LHFPL2: variants seen among roughly 807,000 people sequenced by gnomAD.
The protein encoded by LHFPL2 is LHFPL tetraspan subfamily member 2.
LHFPL2 carries 7 observed loss-of-function variants against 17.5 expected under a neutral mutation model. The observed-to-expected ratio is 0.40, with a 90% CI of 0.23 to 0.75. LHFPL2 has a LOEUF of 0.75. Among genes scored for constraint, LHFPL2 ranks in the 30% least tolerant of loss-of-function variants. LHFPL2 has a pLI of 0.37. For synonymous variants in LHFPL2, 134 were observed against 116.2 expected (o/e 1.15, Z -0.99); for missense variants, 241 against 294.8 (o/e 0.82, Z 1.34).
chr5:78,519,391 T>A (rs1755382643), intron 3 of LHFPL2, among the ~76,000 whole-genome samples: 1 of 152,138 alleles, frequency 6.6e-6, no homozygotes, highest in African/African-American at 2.4e-5. Flanking sequence ...TGGGTTCCAG[T>A]ATAACATGGC....
At chr5:78,512,606 C>G (rs10942860) in intron 3 of LHFPL2, among the ~76,000 whole-genome samples, 135,354 of 151,656 alleles carry the variant, frequency 0.89, 60,598 homozygotes, top group African/African-American at 0.95. Context: ...GCCCTGAGAG[C>G]CTGCACGTAC....
chr5:78,487,812 A>T lies in LHFPL2; in HGVS notation c.*1085T>A, dbSNP rs1359368483. On this transcript the variant is annotated 3_prime_UTR_variant, in exon 5 of 5. Transcript: ENST00000380345. ...TCTTCAGTTGCAGCAATTTAATGTT[A>T]TCTCAGTCTGCTTTCAGGATCAACA... is the stretch of plus-strand genomic sequence containing the variant. The T allele has an allele frequency of 1.3e-5, 2 of 152,152 alleles. No homozygotes were observed. The highest frequency in any genetic ancestry group is 2.9e-5 in the Non-Finnish European group (2 of 68,028). The allele number at this position is 152,152 out of a possible 1,614,324, so 9.4% of individuals were successfully genotyped here.
At chr5:78,641,904 T>TACACACAC (rs1437378031) in intron 1 of LHFPL2, 2 of 31,480 alleles carry the variant, frequency 6.4e-5, no homozygotes, top group East Asian at 2.0e-3. Context: ...AAATGTACAG[T>TACACACAC]ATACACACAC....
chr5:78,617,231 T>C lies in LHFPL2; in HGVS notation c.-245+15033A>G, dbSNP rs1395853376. Among the ~76,000 whole-genome samples, 4 of 152,196 alleles carry C rather than the reference T, an allele frequency of 2.6e-5. No homozygotes were observed. The East Asian group carries it at 5.8e-4, about 22-fold the overall frequency. ...TTTTAGTAGAGACGGGGTTTCATCA[T>C]GTTGGCCAGGCTGGTCTCAAACTCC... On this transcript the variant is annotated intron_variant, in intron 2 of 4. Transcript: ENST00000380345.
intron 4 of LHFPL2, among the ~76,000 whole-genome samples, chr5:78,495,400 G>A (rs1754574581): frequency 6.6e-6 from 1 of 152,106 alleles, no homozygotes; most frequent in Non-Finnish European, 1.5e-5. Flanking sequence ...ACAGAAAAAG[G>A]CCTTTGTTCC....
intron 3 of LHFPL2, among the ~76,000 whole-genome samples, chr5:78,558,646 T>C (rs1337944932): frequency 2.0e-5 from 3 of 152,194 alleles, no homozygotes; most frequent in African/African-American, 7.2e-5. Flanking sequence ...GCTTATACAT[T>C]TATTACGGGA....
At chr5:78,617,246 T>C (rs1240417943) in intron 2 of LHFPL2, among the ~76,000 whole-genome samples, 1 of 152,040 alleles carries the variant, frequency 6.6e-6, no homozygotes, top group Non-Finnish European at 1.5e-5. Context: ...GCCAGGCTGG[T>C]CTCAAACTCC....
chr5:78,637,652 C>T (rs781047853), intron 1 of LHFPL2, among the ~76,000 whole-genome samples: 6 of 152,240 alleles, frequency 3.9e-5, no homozygotes, highest in Non-Finnish European at 5.9e-5. Flanking sequence ...TCTCAGCCGC[C>T]AGATGCCTAT....
At chr5:78,635,228 G>C (rs772801559) in intron 1 of LHFPL2, among the ~76,000 whole-genome samples, 1 of 152,248 alleles carries the variant, frequency 6.6e-6, no homozygotes, top group South Asian at 2.1e-4. Context: ...TTGCCAGCCA[G>C]AGGCTGAGAA....
Position 78,487,775 on chromosome 5 carries a change from C to G in LHFPL2, c.*1122G>C, listed in dbSNP as rs1754296991. 1 of 152,234 alleles carries G rather than the reference C, an allele frequency of 6.6e-6. No homozygotes were observed. The highest frequency in any genetic ancestry group is 2.1e-4 in the South Asian group (1 of 4,830). 9.4% of individuals were successfully genotyped at this position (152,234 alleles called of 1,614,324 possible). On this transcript the variant is annotated 3_prime_UTR_variant, in exon 5 of 5. Coordinates refer to ENST00000380345, the MANE Select transcript of LHFPL2 (RefSeq NM_005779.3). The stretch of plus-strand genomic sequence containing the variant: ...CTCTGTGCTTTCCTGGAATTAAGGT[C>G]TTGGCTGCAGTTCTTCAGTTGCAGC...
intron 1 of LHFPL2, among the ~76,000 whole-genome samples, chr5:78,640,751 G>A (rs2112527317): frequency 6.6e-6 from 1 of 152,310 alleles, no homozygotes; most frequent in South Asian, 2.1e-4. Flanking sequence ...AGGCAAGGAT[G>A]AGGTGAGGTG....
rs572315092 is a variant in LHFPL2, at chr5:78,637,620, T to C, written c.-349-5252A>G. 1.1e-4 allele frequency among the ~76,000 whole-genome samples: 16 copies of C among 152,326 alleles called. No individual in the cohort carries two copies. In the South Asian group the frequency reaches 3.1e-3, roughly 30 times the overall value. ...TCAGACCTCACAGGCCCTCCTGGCATGCACGGTTCAGCCCTGACATTTCTC... is the reference window on the plus strand; with the variant it reads ...TCAGACCTCACAGGCCCTCCTGGCACGCACGGTTCAGCCCTGACATTTCTC... On this transcript the variant is annotated intron_variant, in intron 1 of 4. Coordinates refer to ENST00000380345, the MANE Select transcript of LHFPL2 (RefSeq NM_005779.3).
intron 2 of LHFPL2, among the ~76,000 whole-genome samples, chr5:78,622,076 TA>T (rs1744874994): frequency 1.3e-5 from 2 of 152,252 alleles, no homozygotes; most frequent in South Asian, 4.2e-4. Context: ...CCCTTGATTC[TA>T]AAAGCATAGG....
chr5:78,560,742 T>G (rs1210668437), intron 3 of LHFPL2, among the ~76,000 whole-genome samples: 1 of 152,150 alleles, frequency 6.6e-6, no homozygotes, highest in Non-Finnish European at 1.5e-5. Context: ...TCTGAATATT[T>G]AAAACATTTC....
intron 2 of LHFPL2, among the ~76,000 whole-genome samples, chr5:78,619,906 T>A (rs1744780476): frequency 1.5e-5 from 1 of 68,844 alleles, no homozygotes; most frequent in Non-Finnish European, 2.8e-5. Context: ...AGTCTATCAT[T>A]GTTGGACATT....
At chr5:78,597,597 A>C (rs1743871084) in intron 2 of LHFPL2, among the ~76,000 whole-genome samples, 1 of 151,980 alleles carries the variant, frequency 6.6e-6, no homozygotes, top group Non-Finnish European at 1.5e-5. Flanking sequence ...AAGTCAGGAA[A>C]CTCTAAGACC....
intron 3 of LHFPL2, among the ~76,000 whole-genome samples, chr5:78,519,275 G>C (rs1755379256): frequency 6.6e-6 from 1 of 152,208 alleles, no homozygotes; most frequent in Admixed American, 6.5e-5. Context: ...ATACTTCTTT[G>C]AGGTGGTTAG....
chr5:78,500,375 C>T (rs994691565), intron 4 of LHFPL2, among the ~76,000 whole-genome samples: 61 of 152,174 alleles, frequency 4.0e-4, no homozygotes, highest in African/African-American at 1.3e-3. Context: ...GTTAGTTAAA[C>T]CCATGTCATT....
chr5:78,493,060 A>G (rs964767887), intron 4 of LHFPL2, among the ~76,000 whole-genome samples: 15 of 152,256 alleles, frequency 9.9e-5, no homozygotes, highest in Non-Finnish European at 1.8e-4. Flanking sequence ...ACTAATGTCT[A>G]AGAGAAAACT....
Sources: gnomAD v4.1 joint callset for allele counts (sites outside exome capture counted in the v4.1 genomes callset) on GRCh38, gnomAD v4.1.1 for gene constraint, MANE v1.5 for transcripts, NCBI Gene and HGNC (gene_info 2026-07-23, HGNC 2026-07-21) for gene names.